Variants in BAIAP2L2 observed in about 807,000 individuals in gnomAD.
BAIAP2L2 encodes BAR/IMD domain-containing adapter protein 2-like 2.
Under a neutral mutation model 60.4 loss-of-function variants are expected in BAIAP2L2, and 65 were observed. The observed-to-expected ratio is 1.08, with a 90% confidence interval of 0.88 to 1.32. BAIAP2L2 has a LOEUF of 1.32. Ranked by LOEUF, BAIAP2L2 falls within the 40% of genes most tolerant of loss-of-function variation. The pLI is 0.00. For synonymous variants in BAIAP2L2, 344 were observed against 301.7 expected (o/e 1.14, Z -1.45); for missense variants, 836 against 741.2 (o/e 1.13, Z -1.48).
At chr22:38,101,546 C>CAAAA (rs71195082) in intron 4 of BAIAP2L2, among the ~76,000 whole-genome samples, 7 of 30,914 alleles carry the variant, frequency 2.3e-4, no homozygotes, top group African/African-American at 3.3e-4. Context: ...GATCCTGTCT[C>CAAAA]AAAAAAAAAA....
chr22:38,086,678 G>A (rs2086084958), intron 11 of BAIAP2L2, among the ~76,000 whole-genome samples: 1 of 152,096 alleles, frequency 6.6e-6, no homozygotes, highest in African/African-American at 2.4e-5. Context: ...TCCAGGGGCT[G>A]AAGGGGGCTG....
intron 7 of BAIAP2L2, chr22:38,093,774 G>A (rs1429431800): frequency 2.0e-5 from 8 of 396,778 alleles, no homozygotes; most frequent in East Asian, 7.4e-5. Flanking sequence ...GAAACACTCC[G>A]GAAAACGGTC....
Position 38,110,684 on chromosome 22 carries a change from C to A in BAIAP2L2, c.-159G>T. 1 of 585,826 alleles carries A rather than the reference C, an allele frequency of 1.7e-6. No homozygotes were observed. 36.3% of individuals were successfully genotyped at this position (585,826 alleles called of 1,614,324 possible). ...ATGGAGGCCTGCCTCAGAGGAGTGG[C>A]AGCTTAATTATTCACCAACTCGGGA... On this transcript the variant is annotated 5_prime_UTR_variant, in exon 1 of 14. Coordinates refer to ENST00000381669, the MANE Select transcript of BAIAP2L2 (RefSeq NM_025045.6).
chr22:38,106,530 A>T (rs1391214392), intron 4 of BAIAP2L2, among the ~76,000 whole-genome samples: 1 of 125,988 alleles, frequency 7.9e-6, no homozygotes, highest in African/African-American at 3.3e-5. Context: ...AAAAAAATTA[A>T]AAAAAAAAAA....
rs751630378 is a variant in BAIAP2L2 at position 38,086,282 on chromosome 22, C to T, written c.1427G>A (p.Arg476His). 63 of 1,590,040 alleles carry T rather than the reference C, an allele frequency of 4.0e-5. No homozygotes were observed. The East Asian group carries it at 7.7e-4, about 19-fold the overall frequency. ...AACTGCTGTGCTGCCCATGCTGCTG[C>T]GGCGGCTGCTGGGCAAGGGTGGAGG... ...PAPPPLPSSR[R>H]SSMGSTAVAT... Residue 476 changes from arginine (R) to histidine (H), a missense_variant, in exon 12 of 14, where the codon CGC becomes CAC. By Grantham distance (29) the Arg-to-His change is conservative. Transcript: ENST00000381669.
At chr22:38,092,057 C>T (rs1269066106) in intron 7 of BAIAP2L2, among the ~76,000 whole-genome samples, 2 of 152,184 alleles carry the variant, frequency 1.3e-5, no homozygotes. Context: ...ACTGGTGCAA[C>T]CAATGACTAT....
In BAIAP2L2 at chr22:38,098,237, C is replaced by G. The variant is rs1032889149; in HGVS notation, c.349-58G>C. The G allele has an allele frequency of 7.0e-6, 11 of 1,569,858 alleles. No homozygotes were observed. The Admixed American group carries it at 1.2e-4, about 17-fold the overall frequency. On this transcript the variant is annotated intron_variant, in intron 5 of 13. Coordinates refer to ENST00000381669, the MANE Select transcript of BAIAP2L2 (RefSeq NM_025045.6). ...CCCCCACATCAGAGAGCTCAAGACA[C>G]CCCTCCCAGAGATCAGGGCCCTGGA... is the stretch of plus-strand genomic sequence containing the variant.
rs1320678171 is a variant in BAIAP2L2 at position 38,097,165 on chromosome 22, C to G, written c.479G>C (p.Arg160Pro). Residue 160 changes from arginine (R) to proline (P), a missense_variant, in exon 7 of 14, where the codon CGG (arginine) becomes CCG (proline). Physicochemically the swap from Arg to Pro is moderately radical, Grantham distance 103 (BLOSUM62 -2). Coordinates refer to ENST00000381669, the MANE Select transcript of BAIAP2L2 (RefSeq NM_025045.6). Reference protein sequence around the residue: ...NVREMKESVNRLHAQMQAFVS... With the variant: ...NVREMKESVNPLHAQMQAFVS... ...GAAGGCCTGCATCTGTGCGTGCAGC[C>G]GGTTCACACTCTCCTGGGGGGGAAC... is the stretch of plus-strand genomic sequence containing the variant. The G allele has an allele frequency of 1.2e-6, 2 of 1,613,452 alleles. No individual in the cohort carries two copies. Among genetic ancestry groups the G allele is most frequent in the African/African-American group, 1.3e-5 (1 of 74,826 alleles).
Position 38,110,632 on chromosome 22 carries a change from G to A in BAIAP2L2, c.-107C>T, listed in dbSNP as rs2086825990. The A allele has an allele frequency of 5.4e-6, 5 of 922,414 alleles. No individual in the cohort carries two copies. The South Asian group carries it at 6.9e-5, about 13-fold the overall frequency. The allele number at this position is 922,414 out of a possible 1,614,324, so 57.1% of individuals were successfully genotyped here. On this transcript the variant is annotated 5_prime_UTR_variant, in exon 1 of 14. Transcript: ENST00000381669. ...AGGTGCCCACGACTCAGCTGGCAGC[G>A]AGGAAGCCTCGGAGAGGGACCTGGA...
chr22:38,090,692 T>C (rs984235835), intron 7 of BAIAP2L2: 2 of 152,234 alleles, frequency 1.3e-5, no homozygotes, highest in African/African-American at 4.8e-5. Context: ...ATCTCCAGTT[T>C]ATAAAAGAAG....
chr22:38,085,097 C>T lies in BAIAP2L2; in HGVS notation c.*203G>A, dbSNP rs1160570118. 13 of 553,288 alleles carry T rather than the reference C, an allele frequency of 2.3e-5. 1 individual carries two copies. Among genetic ancestry groups the T allele is most frequent in the East Asian group, 1.3e-4 (4 of 31,390 alleles). 34.3% of individuals were successfully genotyped at this position (553,288 alleles called of 1,614,324 possible). A position where few individuals can be genotyped will look rare whatever the true frequency, so the allele number is the denominator to read the frequency against. ...GAGAAATTGTCCTGTCCCCCCATTC[C>T]GCCTGCTTTACTTTGAAGGTCTCGG... is the stretch of plus-strand genomic sequence containing the variant. On this transcript the variant is annotated 3_prime_UTR_variant, in exon 14 of 14. Coordinates refer to ENST00000381669, the MANE Select transcript of BAIAP2L2 (RefSeq NM_025045.6).
chr22:38,110,653 C>G lies in BAIAP2L2; in HGVS notation c.-128G>C, dbSNP rs578222124. 8 of 688,268 alleles carry G rather than the reference C, an allele frequency of 1.2e-5. No homozygotes were observed. The South Asian group carries it at 1.2e-4, about 10-fold the overall frequency. The allele number at this position is 688,268 out of a possible 1,614,324, so 42.6% of individuals were successfully genotyped here. A position where few individuals can be genotyped will look rare whatever the true frequency, so the allele number is the denominator to read the frequency against. The stretch of plus-strand genomic sequence containing the variant: ...CAGCGAGGAAGCCTCGGAGAGGGAC[C>G]TGGAGATGGAGGCCTGCCTCAGAGG... On this transcript the variant is annotated 5_prime_UTR_variant, in exon 1 of 14. Transcript: ENST00000381669.
chr22:38,086,333 A>C lies in BAIAP2L2; in HGVS notation c.1376T>G (p.Val459Gly). 6.4e-7 allele frequency: 1 copy of C among 1,567,720 alleles called. No individual in the cohort carries two copies. The stretch of plus-strand genomic sequence containing the variant: ...TGCAGGGCTGGGGGCACGGCTTGGC[A>C]CCCGGCTTGGGGTGCGGGAGCGGGA... ...GQSRSRTPSRVPSRAPSPAPP... is the reference protein window; with the variant it reads ...GQSRSRTPSRGPSRAPSPAPP... The change falls in exon 12 of 14, where the codon GTG becomes GGG. Residue 459 changes from valine (V) to glycine (G), a missense_variant. By Grantham distance (109) the Val-to-Gly change is moderately radical. Coordinates refer to ENST00000381669, the MANE Select transcript of BAIAP2L2 (RefSeq NM_025045.6).
At chr22:38,098,236 A>G in intron 5 of BAIAP2L2, 57 bp from the exon 6 acceptor site, 1 of 1,571,726 alleles carries the variant, frequency 6.4e-7, no homozygotes, top group Non-Finnish European at 8.7e-7. Context: ...AGCTCAAGAC[A>G]CCCCTCCCAG....
chr22:38,110,843 C>A (rs1237024992), upstream of BAIAP2L2, among the ~76,000 whole-genome samples: 1 of 152,104 alleles, frequency 6.6e-6, no homozygotes, highest in Non-Finnish European at 1.5e-5. Flanking sequence ...TGTGGATGAG[C>A]CCCCTCCTGG....
chr22:38,109,989 C>T (rs931823183), intron 1 of BAIAP2L2, among the ~76,000 whole-genome samples: 11 of 141,816 alleles, frequency 7.8e-5, no homozygotes, highest in African/African-American at 2.2e-4. Context: ...AACAACCCCC[C>T]GGGGGTGAAG....
At chr22:38,109,090 A>T in intron 2 of BAIAP2L2, 43 bp downstream of exon 2, 1 of 1,530,484 alleles carries the variant, frequency 6.5e-7, no homozygotes, top group Non-Finnish European at 9.0e-7. Flanking sequence ...TGGGAACAGC[A>T]GAGGCCCAGG....
At position 38,110,652 on chromosome 22, in the gene BAIAP2L2, C is replaced by A; in HGVS notation, c.-127G>T. 1.4e-6 allele frequency: 1 copy of A among 690,498 alleles called. No homozygotes were observed. Among genetic ancestry groups the A allele is most frequent in the Non-Finnish European group, 2.4e-6 (1 of 420,464 alleles). The allele number at this position is 690,498 out of a possible 1,614,324, so 42.8% of individuals were successfully genotyped here. A position where few individuals can be genotyped will look rare whatever the true frequency, so the allele number is the denominator to read the frequency against. ...GCAGCGAGGAAGCCTCGGAGAGGGA[C>A]CTGGAGATGGAGGCCTGCCTCAGAG... On this transcript the variant is annotated 5_prime_UTR_variant, in exon 1 of 14. Transcript: ENST00000381669.
chr22:38,101,084 C>T (rs1237334255), intron 4 of BAIAP2L2, among the ~76,000 whole-genome samples: 1 of 152,112 alleles, frequency 6.6e-6, no homozygotes, highest in Non-Finnish European at 1.5e-5. Flanking sequence ...ACTTAACACT[C>T]AACATATTTA....
Sources: gnomAD v4.1 joint callset for allele counts (sites outside exome capture counted in the v4.1 genomes callset) on GRCh38, gnomAD v4.1.1 for gene constraint, MANE v1.5 for transcripts, NCBI Gene and HGNC (gene_info 2026-07-23, HGNC 2026-07-21) for gene names.